Variants in TFEC observed in about 807,000 individuals in gnomAD.
TFEC encodes class E basic helix-loop-helix protein 34.
A neutral mutation model predicts 41.6 loss-of-function variants in TFEC; 31 were observed. The ratio of observed to expected loss-of-function variants is 0.74; its 90% CI spans 0.56 to 1.01. TFEC has a LOEUF of 1.01. Ranked by LOEUF, TFEC falls within the 50% of genes least tolerant of loss-of-function variation. TFEC has a pLI of 0.00. For synonymous variants in TFEC, 143 were observed against 140.6 expected (o/e 1.02, Z -0.12); for missense variants, 402 against 404.1 (o/e 0.99, Z 0.04).
chr7:116,130,061 C>CACAT (rs1361028343), intron 1 of TFEC, among the ~76,000 whole-genome samples: 2 of 151,374 alleles, frequency 1.3e-5, no homozygotes, highest in African/African-American at 4.9e-5. Flanking sequence ...CACACACACA[C>CACAT]ACACACACAC....
intron 1 of TFEC, among the ~76,000 whole-genome samples, chr7:116,129,332 C>CTT (rs58145809): frequency 6.7e-6 from 1 of 148,276 alleles, no homozygotes; most frequent in African/African-American, 2.5e-5. Flanking sequence ...CACCCTTGTC[C>CTT]TTTTTTTTTT....
intron 5 of TFEC, 79 bp downstream of exon 5, chr7:115,954,507 A>G: frequency 8.7e-7 from 1 of 1,149,218 alleles, no homozygotes; most frequent in South Asian, 1.6e-5. Flanking sequence ...ATACTTATGG[A>G]GTATAATAAA....
intron 1 of TFEC, among the ~76,000 whole-genome samples, chr7:116,028,977 A>T (rs1479277901): frequency 6.6e-6 from 1 of 152,150 alleles, no homozygotes; most frequent in Non-Finnish European, 1.5e-5. Context: ...ACAAATTTGT[A>T]CCTTATTTAA....
At chr7:116,085,046 G>T (rs1460149286) in intron 3 of TFEC, among the ~76,000 whole-genome samples, 12 of 151,780 alleles carry the variant, frequency 7.9e-5, no homozygotes, top group Admixed American at 7.9e-4. Flanking sequence ...AAGAGAAAAC[G>T]TATAGGACCA....
intron 3 of TFEC, among the ~76,000 whole-genome samples, chr7:116,083,292 GA>G (rs1413981764): frequency 6.6e-6 from 1 of 151,328 alleles, no homozygotes; most frequent in Non-Finnish European, 1.5e-5. Context: ...GTATCCAAGT[GA>G]AAAAATAAAA....
chr7:115,941,543 G>A (rs916304498), intron 7 of TFEC: 7 of 261,952 alleles, frequency 2.7e-5, no homozygotes, highest in African/African-American at 1.5e-4. Flanking sequence ...TATTTGATTA[G>A]GATAATAATG....
chr7:116,021,267 C>T (rs1795384749), intron 1 of TFEC, among the ~76,000 whole-genome samples: 1 of 152,188 alleles, frequency 6.6e-6, no homozygotes, highest in Admixed American at 6.5e-5. Context: ...CCATTAAAGG[C>T]AAGGTCGACT....
intron 3 of TFEC, among the ~76,000 whole-genome samples, chr7:116,038,059 A>C (rs573365082): frequency 6.6e-6 from 1 of 152,002 alleles, no homozygotes; most frequent in Admixed American, 6.6e-5. Flanking sequence ...AAATGGGTAA[A>C]ATCAATCAAA....
intron 3 of TFEC, among the ~76,000 whole-genome samples, chr7:116,062,631 T>C (rs1339122744): frequency 6.9e-6 from 1 of 144,838 alleles, no homozygotes; most frequent in African/African-American, 2.5e-5. Flanking sequence ...TTGATGGGCA[T>C]TGGGCTGGTT....
intron 3 of TFEC, among the ~76,000 whole-genome samples, chr7:116,042,533 T>C (rs1390823452): frequency 6.6e-6 from 1 of 152,250 alleles, no homozygotes; most frequent in African/African-American, 2.4e-5. Flanking sequence ...TCACGATTAA[T>C]TTGTTAATAG....
chr7:116,048,545 G>C (rs1488911339), intron 3 of TFEC, among the ~76,000 whole-genome samples: 1 of 152,216 alleles, frequency 6.6e-6, no homozygotes, highest in African/African-American at 2.4e-5. Flanking sequence ...GAACCAAGTT[G>C]GAAAACACTC....
At chr7:116,051,031 G>C (rs1340691744) in intron 3 of TFEC, among the ~76,000 whole-genome samples, 1 of 152,150 alleles carries the variant, frequency 6.6e-6, no homozygotes, top group African/African-American at 2.4e-5. Flanking sequence ...ATCATTCTAA[G>C]CAAACTATTG....
chr7:116,129,342 TC>T (rs1289181681), intron 1 of TFEC, among the ~76,000 whole-genome samples: 2 of 151,036 alleles, frequency 1.3e-5, no homozygotes, highest in Non-Finnish European at 3.0e-5. Context: ...CTTTTTTTTT[TC>T]CTCCCTCAAT....
intron 1 of TFEC, among the ~76,000 whole-genome samples, chr7:116,005,816 T>C (rs888218527): frequency 6.6e-6 from 1 of 152,164 alleles, no homozygotes; most frequent in Non-Finnish European, 1.5e-5. Context: ...CAGAGGTTTC[T>C]GAGGAAAAAA....
At chr7:116,116,862 C>A (rs74744952) in intron 1 of TFEC, among the ~76,000 whole-genome samples, 23,514 of 151,724 alleles carry the variant, frequency 0.15, 1,966 homozygotes, top group East Asian at 0.33. Flanking sequence ...ACTTTTTCTA[C>A]AGTAAAGAAT....
intron 7 of TFEC, 29 bp from the exon 8 acceptor site, chr7:115,940,960 A>G (rs897085025): frequency 6.5e-7 from 1 of 1,533,164 alleles, no homozygotes; most frequent in African/African-American, 1.4e-5. Flanking sequence ...ATCATTAAAT[A>G]ATGTCTTTGA....
At chr7:116,024,540 A>G (rs976883228) in intron 1 of TFEC, among the ~76,000 whole-genome samples, 4 of 152,202 alleles carry the variant, frequency 2.6e-5, no homozygotes, top group Non-Finnish European at 4.4e-5. Flanking sequence ...GTCTTGTCAG[A>G]CAAAAATTAG....
At position 116,115,725 on chromosome 7, in the gene TFEC, G is replaced by T. The variant is rs544460972; in HGVS notation, c.-68-3687C>A. 3.3e-5 allele frequency among the ~76,000 whole-genome samples: 5 copies of T among 152,026 alleles called. No individual in the cohort carries two copies. The South Asian group carries it at 1.0e-3, about 32-fold the overall frequency. Reference sequence around the variant, plus strand: ...GATTAGGACATGGGCATATCTGGGGGTTCATTATTCAGCATACCACATCCA... The same window carrying T: ...GATTAGGACATGGGCATATCTGGGGTTTCATTATTCAGCATACCACATCCA... On this transcript the variant is annotated intron_variant, in intron 1 of 8. Transcript: ENST00000484212.
chr7:115,941,612 T>G, intron 7 of TFEC: 1 of 377,526 alleles, frequency 2.6e-6, no homozygotes, highest in Non-Finnish European at 4.7e-6. Flanking sequence ...TCATTATATA[T>G]GTGTATATAT....
Sources: allele counts gnomAD v4.1 joint callset (sites outside exome capture counted in the v4.1 genomes callset), GRCh38; gene constraint gnomAD v4.1.1; transcripts MANE v1.5; gene names NCBI Gene and HGNC (gene_info 2026-07-23, HGNC 2026-07-21).